The following THSD7B variants were observed in gnomAD, a reference collection of about 807,000 sequenced individuals.
THSD7B encodes the protein thrombospondin type-1 domain-containing protein 7B.
Under a neutral mutation model 213.6 loss-of-function variants are expected in THSD7B, and 138 were observed. The ratio of observed to expected loss-of-function variants is 0.65; its 90% confidence interval spans 0.56 to 0.74. THSD7B has a LOEUF of 0.74. Ranked by LOEUF, THSD7B falls within the 30% of genes least tolerant of loss-of-function variation. THSD7B has a pLI of 0.00. For missense variants in THSD7B, 1,931 were observed against 1,991.5 expected, an observed-to-expected ratio of 0.97 and a Z score of 0.58; for synonymous variants, 742 against 687.0, an observed-to-expected ratio of 1.08 and a Z score of -1.25.
intron 12 of THSD7B, among the ~76,000 whole-genome samples, chr2:137,400,951 A>C (rs543284028): frequency 6.6e-6 from 1 of 152,306 alleles, no homozygotes; most frequent in African/African-American, 2.4e-5. Context: ...GTGGTGGGGC[A>C]GTCCTCAGAC....
At chr2:137,257,255 G>A (rs935475258) in intron 10 of THSD7B, among the ~76,000 whole-genome samples, 1 of 152,154 alleles carries the variant, frequency 6.6e-6, no homozygotes, top group African/African-American at 2.4e-5. Flanking sequence ...GTGTTTAATA[G>A]CATGTCTTCA....
chr2:137,643,236 C>A (rs2104863276), intron 21 of THSD7B, among the ~76,000 whole-genome samples: 1 of 152,334 alleles, frequency 6.6e-6, no homozygotes, highest in Admixed American at 6.5e-5. Context: ...ACTGCATTTT[C>A]TCTCTGGCTT....
intron 11 of THSD7B, among the ~76,000 whole-genome samples, chr2:137,274,822 T>G (rs34164392): frequency 0.027 from 4,109 of 152,226 alleles, 108 homozygotes; most frequent in Middle Eastern, 0.099. Flanking sequence ...AAAGTAAATT[T>G]ATAACAATCT....
chr2:137,587,050 T>A (rs1681748688), intron 17 of THSD7B, among the ~76,000 whole-genome samples: 1 of 152,200 alleles, frequency 6.6e-6, no homozygotes, highest in South Asian at 2.1e-4. Context: ...TACTCTTCTT[T>A]CTCTAAACTT....
At chr2:137,300,395 A>G (rs1683571534) in intron 12 of THSD7B, among the ~76,000 whole-genome samples, 1 of 152,112 alleles carries the variant, frequency 6.6e-6, no homozygotes, top group East Asian at 1.9e-4. Flanking sequence ...CTTCCTTTGA[A>G]TGATAATTGT....
At chr2:136,892,654 T>C (rs1683883437) in intron 2 of THSD7B, among the ~76,000 whole-genome samples, 1 of 151,790 alleles carries the variant, frequency 6.6e-6, no homozygotes, top group Non-Finnish European at 1.5e-5. Context: ...TCTTGAGAAG[T>C]TGAATTTTGC....
chr2:136,860,237 C>T (rs1002980360), intron 1 of THSD7B, among the ~76,000 whole-genome samples: 1 of 151,830 alleles, frequency 6.6e-6, no homozygotes, highest in Non-Finnish European at 1.5e-5. Context: ...GACAGCGATG[C>T]GAGTAGAGGG....
At chr2:137,177,595 C>T (rs183464520) in intron 7 of THSD7B, among the ~76,000 whole-genome samples, 1 of 152,154 alleles carries the variant, frequency 6.6e-6, no homozygotes. Flanking sequence ...TAGAATAGGG[C>T]TCAAGAACTT....
At chr2:137,282,887 G>T (rs1196489707) in intron 12 of THSD7B, among the ~76,000 whole-genome samples, 2 of 152,094 alleles carry the variant, frequency 1.3e-5, no homozygotes, top group Non-Finnish European at 2.9e-5. Context: ...TGGCAATGTG[G>T]GCTCTTTTTT....
At chr2:137,133,167 T>C (rs1688772767) in intron 5 of THSD7B, among the ~76,000 whole-genome samples, 1 of 152,220 alleles carries the variant, frequency 6.6e-6, no homozygotes, top group African/African-American at 2.4e-5. Context: ...TCTCTTTTCC[T>C]GTCTTGAGTC....
chr2:137,151,000 CAA>C (rs1286856809), intron 5 of THSD7B, among the ~76,000 whole-genome samples: 2 of 152,126 alleles, frequency 1.3e-5, no homozygotes, highest in Admixed American at 1.3e-4. Flanking sequence ...TCGTAGGAGT[CAA>C]AGTTGCTCTG....
chr2:136,970,819 G>A (rs1200296084), intron 2 of THSD7B, among the ~76,000 whole-genome samples: 1 of 152,098 alleles, frequency 6.6e-6, no homozygotes, highest in Non-Finnish European at 1.5e-5. Context: ...AGTGAAAAAT[G>A]CACCTTATTT....
At position 137,231,074 on chromosome 2, in the gene THSD7B, T is replaced by G. The variant is rs566033293; in HGVS notation, c.1754T>G (p.Val585Gly). 1 of 1,613,630 alleles carries G rather than the reference T, an allele frequency of 6.2e-7. No homozygotes were observed. The highest frequency in any genetic ancestry group is 8.5e-7 in the Non-Finnish European group (1 of 1,179,752). The change falls in exon 8 of 28, where the codon GTT (valine) becomes GGT (glycine). Residue 585 changes from valine (V) to glycine (G), a missense_variant. Transcript: ENST00000409968. ...GEDVSGSLCPVPPPPERKSCE... is the reference protein window; with the variant it reads ...GEDVSGSLCPGPPPPERKSCE... Reference sequence around the variant, plus strand: ...GATGTATCAGGGAGTCTTTGCCCAGTTCCCCCTCCTCCTGAGAGGAAGTCT... The same window carrying G: ...GATGTATCAGGGAGTCTTTGCCCAGGTCCCCCTCCTCCTGAGAGGAAGTCT...
At chr2:137,345,018 C>T (rs59890217) in intron 12 of THSD7B, among the ~76,000 whole-genome samples, 1,932 of 151,706 alleles carry the variant, frequency 0.013, 54 homozygotes, top group African/African-American at 0.045. Flanking sequence ...TTCAGCTACC[C>T]AACACCCTCC....
chr2:137,578,514 G>C (rs1471548608), intron 17 of THSD7B, among the ~76,000 whole-genome samples: 1 of 152,182 alleles, frequency 6.6e-6, no homozygotes, highest in Non-Finnish European at 1.5e-5. Context: ...TTTTGCCTTA[G>C]CAGGAGGGCT....
intron 1 of THSD7B, among the ~76,000 whole-genome samples, chr2:136,868,963 G>A (rs932239711): frequency 5.3e-5 from 8 of 152,032 alleles, no homozygotes; most frequent in African/African-American, 1.4e-4. Flanking sequence ...CAAATGGAAC[G>A]TATTTTCTTT....
chr2:137,432,852 C>G (rs927550230), intron 14 of THSD7B, among the ~76,000 whole-genome samples: 8 of 152,162 alleles, frequency 5.3e-5, no homozygotes, highest in Non-Finnish European at 1.0e-4. Context: ...CAGTCTGTTT[C>G]TATACTCTTA....
chr2:136,847,739 G>T (rs575072937), intron 1 of THSD7B, among the ~76,000 whole-genome samples: 1 of 152,142 alleles, frequency 6.6e-6, no homozygotes, highest in South Asian at 2.1e-4. Context: ...TCAAAAGCAG[G>T]TCAAAAAGCA....
At chr2:136,766,247 G>T (rs995784368) in intron 1 of THSD7B, among the ~76,000 whole-genome samples, 4 of 152,162 alleles carry the variant, frequency 2.6e-5, no homozygotes, top group African/African-American at 9.7e-5. Context: ...AAGCCAAGAA[G>T]TTTTGCAGCT....
Sources: gnomAD v4.1 joint callset for allele counts (sites outside exome capture counted in the v4.1 genomes callset) on GRCh38, gnomAD v4.1.1 for gene constraint, MANE v1.5 for transcripts, NCBI Gene and HGNC (gene_info 2026-07-23, HGNC 2026-07-21) for gene names.